JMY: variants seen among roughly 807,000 people sequenced by gnomAD.
JMY encodes the protein junction-mediating and -regulatory protein.
A neutral mutation model predicts 103.3 loss-of-function variants in JMY; 46 were observed. The ratio of observed to expected loss-of-function variants is 0.45; its 90% confidence interval spans 0.35 to 0.57. The LOEUF is 0.57. Ranked by LOEUF, JMY falls within the 20% of genes least tolerant of loss-of-function variation. The pLI is 0.00. For missense variants in JMY, 1,238 were observed against 1,255.2 expected (o/e 0.99, Z 0.21); for synonymous variants, 526 against 489.3 (o/e 1.07, Z -0.99).
At chr5:79,248,868 C>T (rs1217797491) in intron 1 of JMY, among the ~76,000 whole-genome samples, 1 of 152,170 alleles carries the variant, frequency 6.6e-6, no homozygotes, top group Non-Finnish European at 1.5e-5. Flanking sequence ...TAGTGATCCT[C>T]CCGCCTCAGT....
chr5:79,247,344 C>A (rs1284555977), intron 1 of JMY, among the ~76,000 whole-genome samples: 1 of 151,964 alleles, frequency 6.6e-6, no homozygotes, highest in Non-Finnish European at 1.5e-5. Flanking sequence ...ACTCTGTCAC[C>A]CAGGCTGGAG....
chr5:79,279,898 C>T (rs904722618), intron 2 of JMY, among the ~76,000 whole-genome samples: 8 of 152,020 alleles, frequency 5.3e-5, no homozygotes, highest in African/African-American at 1.7e-4. Flanking sequence ...GGCTGGAGTA[C>T]AGTGGCATGA....
rs557940032 is a variant in JMY, at chr5:79,277,774, A to G, written c.1033-136A>G. On this transcript the variant is annotated intron_variant, in intron 1 of 10. Transcript: ENST00000396137. ...AAGTATGGAGATAGTGATGAAAAGCAGTCAATGCTTTTCATTCCCTCTTGC... is the reference window on the plus strand; with the variant it reads ...AAGTATGGAGATAGTGATGAAAAGCGGTCAATGCTTTTCATTCCCTCTTGC... The G allele has an allele frequency of 4.3e-4, 262 of 615,440 alleles. 1 individual carries two copies. The highest frequency in any genetic ancestry group is 6.6e-4 in the Non-Finnish European group (244 of 370,418). The allele number at this position is 615,440 out of a possible 1,614,324, so 38.1% of individuals were successfully genotyped here. A position where few individuals can be genotyped will look rare whatever the true frequency, so the allele number is the denominator to read the frequency against.
At chr5:79,277,274 T>C (rs938021899) in intron 1 of JMY, among the ~76,000 whole-genome samples, 1 of 151,944 alleles carries the variant, frequency 6.6e-6, no homozygotes, top group African/African-American at 2.4e-5. Flanking sequence ...CAGGTAGAAA[T>C]TGAAGAAATT....
chr5:79,298,618 A>G (rs1237564361), intron 4 of JMY, among the ~76,000 whole-genome samples: 10 of 152,260 alleles, frequency 6.6e-5, no homozygotes, highest in Non-Finnish European at 2.9e-5. Flanking sequence ...TTCCTAACAC[A>G]GCGGGATCAC....
chr5:79,290,821 A>G (rs1746396630), intron 3 of JMY, among the ~76,000 whole-genome samples: 1 of 152,114 alleles, frequency 6.6e-6, no homozygotes, highest in Non-Finnish European at 1.5e-5. Flanking sequence ...CCCCATCTCT[A>G]CTAAAAATAC....
rs372389802 is a variant in JMY at position 79,247,930 on chromosome 5, C to T, written c.1032+10248C>T. ...TATTTTGAGACAGAGTCTCGTTCTG[C>T]TGCTCAGGCTGGAGTGCAGTGGCAG... On this transcript the variant is annotated intron_variant, in intron 1 of 10. Coordinates refer to ENST00000396137, the MANE Select transcript of JMY (RefSeq NM_152405.5). 1.3e-4 allele frequency among the ~76,000 whole-genome samples: 20 copies of T among 150,230 alleles called. 1 individual carries two copies. The highest frequency in any genetic ancestry group is 6.0e-4 in the Admixed American group (9 of 15,026).
At position 79,323,894 on chromosome 5, in the gene JMY, A is replaced by G. The variant is rs1580381797; in HGVS notation, c.*2292A>G. On this transcript the variant is annotated 3_prime_UTR_variant, in exon 11 of 11. Coordinates refer to ENST00000396137, the MANE Select transcript of JMY (RefSeq NM_152405.5). Reference sequence around the variant, plus strand: ...GATACATCTACAAGTCTCTCAACCCATCCTGTTACAGTTCTCCATGAGAGT... The same window carrying G: ...GATACATCTACAAGTCTCTCAACCCGTCCTGTTACAGTTCTCCATGAGAGT... 6.6e-6 allele frequency: 1 copy of G among 152,308 alleles called. No individual in the cohort carries two copies. The highest frequency in any genetic ancestry group is 1.9e-4 in the East Asian group (1 of 5,178). 9.4% of individuals were successfully genotyped at this position (152,308 alleles called of 1,614,324 possible). A position where few individuals can be genotyped will look rare whatever the true frequency, so the allele number is the denominator to read the frequency against.
At chr5:79,257,419 A>G (rs1243255476) in intron 1 of JMY, among the ~76,000 whole-genome samples, 5 of 152,160 alleles carry the variant, frequency 3.3e-5, no homozygotes, top group Non-Finnish European at 7.4e-5. Context: ...CGTGGTGAAC[A>G]TGGTGAAACC....
At chr5:79,283,562 G>T (rs1039159233) in intron 2 of JMY, among the ~76,000 whole-genome samples, 1 of 152,204 alleles carries the variant, frequency 6.6e-6, no homozygotes, top group Non-Finnish European at 1.5e-5. Context: ...AGGCCAGGAA[G>T]TCTTTCTGAG....
chr5:79,250,672 A>G (rs1157564970), intron 1 of JMY, among the ~76,000 whole-genome samples: 1 of 126,558 alleles, frequency 7.9e-6, no homozygotes, highest in Non-Finnish European at 1.6e-5. Flanking sequence ...TTTTTTTGGC[A>G]TATGAAGTAA....
At chr5:79,315,111 C>T (rs1229574884) in intron 9 of JMY, among the ~76,000 whole-genome samples, 1 of 151,938 alleles carries the variant, frequency 6.6e-6, no homozygotes, top group East Asian at 1.9e-4. Context: ...TAATGGGTGG[C>T]TCCTTTTGTG....
Position 79,314,290 on chromosome 5 carries a change from A to G in JMY, c.2098A>G (p.Arg700Gly), listed in dbSNP as rs144286624. The G allele has an allele frequency of 6.2e-7, 1 of 1,613,148 alleles. No homozygotes were observed. Among genetic ancestry groups the G allele is most frequent in the African/African-American group, 1.3e-5 (1 of 74,986 alleles). The change falls in exon 9 of 11, where the codon AGA (arginine) becomes GGA (glycine). Residue 700 changes from arginine (R) to glycine (G), a missense_variant. Arg to Gly is a moderately radical substitution (Grantham distance 125). Coordinates refer to ENST00000396137, the MANE Select transcript of JMY (RefSeq NM_152405.5). ...TGGGCAAGTCATACTTAAATCAACC[A>G]GATTACGACTAGCTCATGCAAGAAG... ...YPGQVILKST[R>G]LRLAHARRKG...
At chr5:79,258,913 G>A (rs1745335487) in intron 1 of JMY, among the ~76,000 whole-genome samples, 1 of 152,152 alleles carries the variant, frequency 6.6e-6, no homozygotes, top group South Asian at 2.1e-4. Flanking sequence ...GCCATTCCCT[G>A]GGTCTTGAGT....
rs1390829452 is a variant in JMY, at chr5:79,323,021, A to C, written c.*1419A>C. Reference sequence around the variant, plus strand: ...TATTTTAAAGTGTTTTCTTGAAAATAATTAGGGAGAAAATTTTCTGGCAAC... The same window carrying C: ...TATTTTAAAGTGTTTTCTTGAAAATCATTAGGGAGAAAATTTTCTGGCAAC... On this transcript the variant is annotated 3_prime_UTR_variant, in exon 11 of 11. Coordinates refer to ENST00000396137, the MANE Select transcript of JMY (RefSeq NM_152405.5). 6.6e-6 allele frequency: 1 copy of C among 152,222 alleles called. No homozygotes were observed. The highest frequency in any genetic ancestry group is 1.5e-5 in the Non-Finnish European group (1 of 68,042). 9.4% of individuals were successfully genotyped at this position (152,222 alleles called of 1,614,324 possible). A position where few individuals can be genotyped will look rare whatever the true frequency, so the allele number is the denominator to read the frequency against.
In JMY at chr5:79,249,413, C is replaced by A. The variant is rs367572974; in HGVS notation, c.1032+11731C>A. ...TTACCAAAAGGAAATGATATGCCAG[C>A]TCATAGTGAAGCTGCCTAGATGCTT... On this transcript the variant is annotated intron_variant, in intron 1 of 10. Transcript: ENST00000396137. Among the ~76,000 whole-genome samples the A allele has an allele frequency of 1.6e-4, 24 of 152,292 alleles. 1 individual carries two copies. The highest frequency in any genetic ancestry group is 5.5e-4 in the African/African-American group (23 of 41,572).
At chr5:79,282,638 T>C (rs564969926) in intron 2 of JMY, among the ~76,000 whole-genome samples, 1 of 152,256 alleles carries the variant, frequency 6.6e-6, no homozygotes, top group East Asian at 1.9e-4. Context: ...GAGATTGGAA[T>C]AGAGAATATT....
At chr5:79,285,060 C>T (rs893908497) in intron 2 of JMY, 2 of 593,212 alleles carry the variant, frequency 3.4e-6, no homozygotes, top group Admixed American at 3.0e-5. Context: ...CTTGATCAAC[C>T]ATAAGCACTT....
intron 6 of JMY, among the ~76,000 whole-genome samples, chr5:79,302,570 T>C (rs745780144): frequency 2.0e-5 from 3 of 152,184 alleles, no homozygotes; most frequent in Non-Finnish European, 2.9e-5. Context: ...CAGGACAGAA[T>C]AGTTTTTAGC....
Sources: gnomAD v4.1 joint callset for allele counts (sites outside exome capture counted in the v4.1 genomes callset) on GRCh38, gnomAD v4.1.1 for gene constraint, MANE v1.5 for transcripts, NCBI Gene and HGNC (gene_info 2026-07-23, HGNC 2026-07-21) for gene names.